CNOT10: variants seen among roughly 807,000 people sequenced by gnomAD.
The protein encoded by CNOT10 is CCR4-NOT transcription complex, subunit 10.
A neutral mutation model predicts 94.6 loss-of-function variants in CNOT10; 30 were observed. The observed-to-expected ratio is 0.32, with a 90% CI of 0.24 to 0.43. The LOEUF (loss-of-function observed/expected upper bound fraction) is 0.43. Among genes scored for constraint, CNOT10 ranks in the 20% least tolerant of loss-of-function variants. The pLI, the probability that CNOT10 is intolerant of heterozygous loss-of-function variation, is 1.00. For synonymous variants in CNOT10, 289 were observed against 301.6 expected (o/e 0.96, Z 0.43); for missense variants, 759 against 877.2 (o/e 0.87, Z 1.70).
chr3:32,687,438 GGTTTTTTTTTTTT>G (rs1696653032), intron 1 of CNOT10, among the ~76,000 whole-genome samples: 1 of 14,706 alleles, frequency 6.8e-5, no homozygotes, highest in South Asian at 2.6e-3. Flanking sequence ...AAGTCCTCAC[GGTTTTTTTTTTTT>G]GTTTTTTTTT....
At chr3:32,694,225 C>G (rs903990733) in intron 1 of CNOT10, among the ~76,000 whole-genome samples, 3 of 151,604 alleles carry the variant, frequency 2.0e-5, no homozygotes, top group African/African-American at 7.3e-5. Context: ...GAAATGATCC[C>G]TGAAAGTGTA....
At chr3:32,732,504 TGAGCCCAGGAGGCCGAA>T (rs1324634653) in intron 10 of CNOT10, among the ~76,000 whole-genome samples, 1 of 151,706 alleles carries the variant, frequency 6.6e-6, no homozygotes, top group Admixed American at 6.6e-5. Flanking sequence ...GAGGATCACT[TGAGCCCAGGAGGCCGAA>T]GTTGCAGTGA....
intron 1 of CNOT10, chr3:32,687,738 C>T (rs2125484590): frequency 6.6e-6 from 1 of 152,298 alleles, no homozygotes; most frequent in Non-Finnish European, 1.5e-5. Flanking sequence ...CAGGCGTGAG[C>T]CACCGCGCCC....
chr3:32,746,197 A>G (rs1575280004), intron 13 of CNOT10, among the ~76,000 whole-genome samples: 1 of 152,334 alleles, frequency 6.6e-6, no homozygotes, highest in East Asian at 1.9e-4. Context: ...GGAAAGAAAT[A>G]TAAACGCATC....
intron 6 of CNOT10, among the ~76,000 whole-genome samples, chr3:32,716,795 C>T (rs1048723870): frequency 1.6e-4 from 24 of 152,032 alleles, no homozygotes; most frequent in Admixed American, 1.4e-3. Context: ...ATTACTAGTG[C>T]GCATCACCAC....
intron 13 of CNOT10, among the ~76,000 whole-genome samples, chr3:32,758,425 T>G (rs149225286): frequency 3.3e-5 from 5 of 152,318 alleles, no homozygotes; most frequent in African/African-American, 1.2e-4. Context: ...CAGAATACTT[T>G]TGAATTTGCC....
intron 8 of CNOT10, 136 bp downstream of exon 8, chr3:32,720,367 G>T: frequency 2.3e-6 from 1 of 435,476 alleles, no homozygotes. Context: ...TATTTCTGGT[G>T]CAAAAATTTC....
At chr3:32,699,108 T>G (rs1697215475) in intron 1 of CNOT10, among the ~76,000 whole-genome samples, 1 of 152,180 alleles carries the variant, frequency 6.6e-6, no homozygotes, top group Non-Finnish European at 1.5e-5. Flanking sequence ...TTTGAGATGC[T>G]CCTGTTGTCT....
In CNOT10 at chr3:32,685,453, G is replaced by A; in HGVS notation, c.-8G>A. The A allele has an allele frequency of 6.5e-7, 1 of 1,550,358 alleles. No individual in the cohort carries two copies. Among genetic ancestry groups the A allele is most frequent in the East Asian group, 2.4e-5 (1 of 40,906 alleles). On this transcript the variant is annotated 5_prime_UTR_variant, in exon 1 of 19. Transcript: ENST00000328834. The stretch of plus-strand genomic sequence containing the variant: ...CCTGCAGGGAAGAACCCGAGTCGAA[G>A]CGGGAAGATGGCTGCAGACAAGCCT...
intron 1 of CNOT10, among the ~76,000 whole-genome samples, chr3:32,687,440 T>TTTTTTTTTTGG (rs1553626982): frequency 1.9e-4 from 6 of 32,080 alleles, no homozygotes; most frequent in East Asian, 2.5e-3. Context: ...GTCCTCACGG[T>TTTTTTTTTTGG]TTTTTTTTTT....
At chr3:32,702,619 T>C (rs959126632) in intron 1 of CNOT10, among the ~76,000 whole-genome samples, 1 of 152,202 alleles carries the variant, frequency 6.6e-6, no homozygotes, top group African/African-American at 2.4e-5. Flanking sequence ...TTTCTGATTG[T>C]TACTACTTTC....
intron 1 of CNOT10, among the ~76,000 whole-genome samples, chr3:32,699,722 A>G (rs776243483): frequency 8.5e-5 from 13 of 152,156 alleles, no homozygotes; most frequent in Non-Finnish European, 1.8e-4. Context: ...GGAGCATTCC[A>G]CTAGCTCTAG....
rs148672018 is a variant in CNOT10, at chr3:32,759,465, A to C, written c.1603A>C (p.Ile535Leu). 1.9e-6 allele frequency: 3 copies of C among 1,612,958 alleles called. No individual in the cohort carries two copies. The Admixed American group carries it at 5.0e-5, about 27-fold the overall frequency. ...TTCCCTTTTGTGTTATAGGTGCTCC[A>C]TACTTGCTTGCAGTGCCTACGTGGC... is the stretch of plus-strand genomic sequence containing the variant. ...KQELENLKCS[I>L]LACSAYVALA... Residue 535 changes from isoleucine (I) to leucine (L), a missense_variant, in exon 14 of 19, where the codon ATA (isoleucine) becomes CTA (leucine). Around this residue, in one of 3 missense-constraint regions of CNOT10, gnomAD observed 682 missense variants for 799.4 expected, o/e 0.85. Coordinates refer to ENST00000328834, the MANE Select transcript of CNOT10 (RefSeq NM_015442.3).
At chr3:32,764,430 C>A (rs768135101) in intron 15 of CNOT10, 25 bp from the exon 16 acceptor site, 1 of 1,612,576 alleles carries the variant, frequency 6.2e-7, no homozygotes. Flanking sequence ...TTCTGCCCCT[C>A]AGATTTATTT....
At chr3:32,685,709 C>T (rs1696566421) in intron 1 of CNOT10, among the ~76,000 whole-genome samples, 1 of 152,190 alleles carries the variant, frequency 6.6e-6, no homozygotes, top group Non-Finnish European at 1.5e-5. Context: ...CCACTGGCCG[C>T]CTTTGCCCTG....
At chr3:32,740,121 C>T (rs1699394340) in intron 13 of CNOT10, among the ~76,000 whole-genome samples, 2 of 152,026 alleles carry the variant, frequency 1.3e-5, no homozygotes, top group Admixed American at 6.6e-5. Flanking sequence ...AATACAGAGA[C>T]CTCATCTACC....
chr3:32,713,416 T>G, intron 5 of CNOT10, 47 bp downstream of exon 5: 1 of 1,430,760 alleles, frequency 7.0e-7, no homozygotes, highest in East Asian at 2.4e-5. Flanking sequence ...TGTGATTAAT[T>G]CTCTCTACTT....
intron 13 of CNOT10, among the ~76,000 whole-genome samples, chr3:32,752,661 A>G (rs950923775): frequency 5.3e-5 from 8 of 152,166 alleles, no homozygotes; most frequent in Non-Finnish European, 1.2e-4. Flanking sequence ...AACTAATTGA[A>G]CAACTAAACT....
At chr3:32,768,583 CA>C (rs34174567) in intron 17 of CNOT10, among the ~76,000 whole-genome samples, 71,483 of 146,772 alleles carry the variant, frequency 0.49, 18,009 homozygotes, top group Non-Finnish European at 0.56. Flanking sequence ...AACTCCGTCT[CA>C]AAAAAAAAAA....
Sources: gnomAD v4.1 joint callset for allele counts (sites outside exome capture counted in the v4.1 genomes callset) on GRCh38, gnomAD v4.1.1 for gene constraint, gnomAD v4.1.1 regional missense constraint, MANE v1.5 for transcripts, NCBI Gene and HGNC (gene_info 2026-07-23, HGNC 2026-07-21) for gene names.